LGALS12: variants seen among roughly 807,000 people sequenced by gnomAD.
LGALS12 encodes the protein galectin 12.
Under a neutral mutation model 36.8 loss-of-function variants are expected in LGALS12, and 36 were observed. That is an observed-to-expected ratio of 0.98 (90% CI 0.75 to 1.29). The LOEUF is 1.29. Among genes scored for constraint, LGALS12 ranks in the 50% most tolerant of loss-of-function variants. The pLI, the probability that LGALS12 is intolerant of heterozygous loss-of-function variation, is 0.00. For synonymous variants in LGALS12, 145 were observed against 155.9 expected (o/e 0.93, Z 0.52); for missense variants, 366 against 394.3 (o/e 0.93, Z 0.61).
intron 6 of LGALS12, 40 bp downstream of exon 6, chr11:63,511,145 G>C: frequency 6.3e-7 from 1 of 1,594,484 alleles, no homozygotes; most frequent in South Asian, 1.1e-5. Flanking sequence ...GGCTGGGGGC[G>C]CAGCCTGGGT....
At chr11:63,514,224 C>T (rs1373317751) in intron 7 of LGALS12, among the ~76,000 whole-genome samples, 4 of 152,186 alleles carry the variant, frequency 2.6e-5, no homozygotes, top group African/African-American at 7.2e-5. Flanking sequence ...CAGGATGCCG[C>T]GCCTTCTCCA....
At chr11:63,512,430 A>G (rs1407102469) in intron 7 of LGALS12, among the ~76,000 whole-genome samples, 1 of 152,214 alleles carries the variant, frequency 6.6e-6, no homozygotes, top group African/African-American at 2.4e-5. Context: ...TGTGCTCAGG[A>G]CACCTACTTG....
At chr11:63,511,176 C>A in intron 6 of LGALS12, 71 bp downstream of exon 6, 1 of 1,406,562 alleles carries the variant, frequency 7.1e-7, no homozygotes. Flanking sequence ...TGAGCTCAGC[C>A]TGGTAGGACA....
In LGALS12 at chr11:63,516,495, T is replaced by C. The variant is rs996323683; in HGVS notation, c.*102T>C. 160 of 1,360,730 alleles carry C rather than the reference T, an allele frequency of 1.2e-4. No homozygotes were observed. The highest frequency in any genetic ancestry group is 3.1e-4 in the Admixed American group (17 of 55,014). The allele number at this position is 1,360,730 out of a possible 1,614,324, so 84.3% of individuals were successfully genotyped here. ...AAACCATCCACCTGACACCAGCACATCAGGCCTGGTTCACCTCTGGGGTCA... is the reference window on the plus strand; with the variant it reads ...AAACCATCCACCTGACACCAGCACACCAGGCCTGGTTCACCTCTGGGGTCA... On this transcript the variant is annotated 3_prime_UTR_variant, in exon 9 of 9. Transcript: ENST00000394618.
At chr11:63,507,397 A>C (rs1023951290) in intron 1 of LGALS12, among the ~76,000 whole-genome samples, 1 of 152,194 alleles carries the variant, frequency 6.6e-6, no homozygotes, top group African/African-American at 2.4e-5. Context: ...TGTACCTGCC[A>C]TCCTGCTCAC....
At chr11:63,507,957 C>G (rs993733299) in intron 1 of LGALS12, 7 of 882,382 alleles carry the variant, frequency 7.9e-6, no homozygotes, top group South Asian at 5.2e-5. Context: ...AAGCTGGTCT[C>G]GAACTCCTGA....
rs1408633059 is a variant in LGALS12 at position 63,513,545 on chromosome 11, A to T, written c.647+1705A>T. Among the ~76,000 whole-genome samples the T allele has an allele frequency of 2.0e-5, 3 of 152,234 alleles. No homozygotes were observed. The East Asian group carries it at 5.8e-4, about 29-fold the overall frequency. ...GAATATTATATTAAAGTTGAAGAAT[A>T]CTATGGACCAGACAAAACATTCCTA... On this transcript the variant is annotated intron_variant, in intron 7 of 8. Transcript: ENST00000394618.
intron 7 of LGALS12, 116 bp from the exon 8 acceptor site, chr11:63,515,447 G>C: frequency 8.3e-7 from 1 of 1,203,532 alleles, no homozygotes; most frequent in African/African-American, 1.5e-5. Flanking sequence ...GTTTCTGGAG[G>C]CTGAAGCAGC....
chr11:63,515,936 C>G (rs1402871273), intron 8 of LGALS12, among the ~76,000 whole-genome samples: 3 of 151,808 alleles, frequency 2.0e-5, no homozygotes, highest in Non-Finnish European at 2.9e-5. Context: ...TGGGGGGGGG[C>G]CCAGGCATCA....
At chr11:63,506,907 C>T (rs1048718634) in intron 1 of LGALS12, among the ~76,000 whole-genome samples, 1 of 152,306 alleles carries the variant, frequency 6.6e-6, no homozygotes, top group East Asian at 1.9e-4. Context: ...GGAATTTCCA[C>T]TCAGGGATAG....
At chr11:63,507,195 C>T (rs1338245884) in intron 1 of LGALS12, among the ~76,000 whole-genome samples, 1 of 152,236 alleles carries the variant, frequency 6.6e-6, no homozygotes, top group Non-Finnish European at 1.5e-5. Flanking sequence ...CCCTCCCATG[C>T]TTCTCAGGTG....
Position 63,506,298 on chromosome 11 carries a change from G to C in LGALS12, c.-161G>C. The C allele has an allele frequency of 6.7e-7, 1 of 1,482,260 alleles. No individual in the cohort carries two copies. Among genetic ancestry groups the C allele is most frequent in the Non-Finnish European group, 9.2e-7 (1 of 1,089,772 alleles). 91.8% of individuals were successfully genotyped at this position (1,482,260 alleles called of 1,614,324 possible). ...CTGGAGGTCGCCCGCTGCCCTCCTA[G>C]GGCTGCTCCAGACAGCATTAAAACG... On this transcript the variant is annotated 5_prime_UTR_variant, in exon 1 of 9. An upstream open reading frame in the 5' UTR loses its in-frame stop. Coordinates refer to ENST00000394618, the MANE Select transcript of LGALS12 (RefSeq NM_033101.4).
chr11:63,507,725 C>CTTTTTTT (rs199594642), intron 1 of LGALS12, among the ~76,000 whole-genome samples: 3 of 69,924 alleles, frequency 4.3e-5, no homozygotes, highest in Non-Finnish European at 8.2e-5. Flanking sequence ...CAGGCAACTT[C>CTTTTTTT]TTTTTTTTTT....
At chr11:63,509,924 G>A (rs1259072855) in intron 4 of LGALS12, 27 bp downstream of exon 4, 23 of 1,607,934 alleles carry the variant, frequency 1.4e-5, no homozygotes, top group East Asian at 2.2e-5. Context: ...CCAAGGCCTG[G>A]GCAGTGGCAG....
intron 6 of LGALS12, among the ~76,000 whole-genome samples, 181 bp downstream of exon 6, chr11:63,511,286 T>C (rs1028171804): frequency 7.4e-5 from 11 of 148,502 alleles, no homozygotes; most frequent in Non-Finnish European, 1.6e-4. Flanking sequence ...CCCCTTCCTT[T>C]ATAGCAAGCT....
At position 63,506,231 on chromosome 11, in the gene LGALS12, G is replaced by A; in HGVS notation, c.-228G>A. 1.4e-6 allele frequency: 1 copy of A among 712,690 alleles called. No individual in the cohort carries two copies. The highest frequency in any genetic ancestry group is 2.3e-6 in the Non-Finnish European group (1 of 439,798). The allele number at this position is 712,690 out of a possible 1,614,324, so 44.1% of individuals were successfully genotyped here. The stretch of plus-strand genomic sequence containing the variant: ...TCTGCTGACAGCCCCCGCCCAGCCA[G>A]AGCTCTGCTGTATACCACCGGGAGT... On this transcript the variant is annotated 5_prime_UTR_variant, in exon 1 of 9. Transcript: ENST00000394618.
rs570138408 is a variant in LGALS12 at position 63,512,713 on chromosome 11, C to T, written c.647+873C>T. Among the ~76,000 whole-genome samples, 11 of 149,572 alleles carry T rather than the reference C, an allele frequency of 7.4e-5. No individual in the cohort carries two copies. The East Asian group carries it at 2.2e-3, about 29-fold the overall frequency. On this transcript the variant is annotated intron_variant, in intron 7 of 8. Coordinates refer to ENST00000394618, the MANE Select transcript of LGALS12 (RefSeq NM_033101.4). The stretch of plus-strand genomic sequence containing the variant: ...CTGAGGCAGGAGAATCGCTTATACC[C>T]GGGAGGCAGAGGTTGCAGTGATCCG...
chr11:63,508,082 T>G, intron 1 of LGALS12: 1 of 1,002,192 alleles, frequency 1.0e-6, no homozygotes, highest in Non-Finnish European at 1.2e-6. Context: ...GGAAGGCCAT[T>G]GTTAAGTGCC....
Position 63,506,170 on chromosome 11 carries a change from T to TG in LGALS12, c.-287dup. 1 of 545,464 alleles carries TG rather than the reference T, an allele frequency of 1.8e-6. No homozygotes were observed. The highest frequency in any genetic ancestry group is 2.4e-5 in the South Asian group (1 of 42,254). 33.8% of individuals were successfully genotyped at this position (545,464 alleles called of 1,614,324 possible). On this transcript the variant is annotated 5_prime_UTR_variant, in exon 1 of 9. Transcript: ENST00000394618. ...TGCAGACCCGGAGTGGGTAGTTAGTTGGTTAATGCCAGTCTTCCTCCCCTG... is the reference window on the plus strand; with the variant it reads ...TGCAGACCCGGAGTGGGTAGTTAGTTGGGTTAATGCCAGTCTTCCTCCCCTG...
Sources: allele counts gnomAD v4.1 joint callset (sites outside exome capture counted in the v4.1 genomes callset), GRCh38; gene constraint gnomAD v4.1.1; transcripts MANE v1.5; gene names NCBI Gene and HGNC (gene_info 2026-07-23, HGNC 2026-07-21).